The following PTBP2 variants were observed in gnomAD, a reference collection of about 807,000 sequenced individuals.
PTBP2 encodes polypyrimidine tract-binding protein 2.
PTBP2 carries 13 observed loss-of-function variants against 61.4 expected under a neutral mutation model. The ratio of observed to expected loss-of-function variants is 0.21; its 90% CI spans 0.14 to 0.34. PTBP2 has a LOEUF of 0.34. PTBP2 is among the 10% of genes least tolerant of loss of function. The pLI is 1.00. For missense variants in PTBP2, 405 were observed against 642.6 expected (o/e 0.63, Z 4.00); for synonymous variants, 215 against 218.5 (o/e 0.98, Z 0.14).
At chr1:96,794,239 A>G (rs936418035) in intron 8 of PTBP2, among the ~76,000 whole-genome samples, 2 of 152,200 alleles carry the variant, frequency 1.3e-5, no homozygotes, top group Non-Finnish European at 2.9e-5. Context: ...CCTAAATTCT[A>G]TGGTAATCAA....
At chr1:96,801,067 A>G (rs1660939374) in intron 8 of PTBP2, among the ~76,000 whole-genome samples, 1 of 152,164 alleles carries the variant, frequency 6.6e-6, no homozygotes, top group African/African-American at 2.4e-5. Flanking sequence ...CAAGATATGA[A>G]GCAGTTTTTC....
intron 3 of PTBP2, among the ~76,000 whole-genome samples, chr1:96,764,656 AG>A (rs1479481033): frequency 5.3e-5 from 8 of 152,136 alleles, no homozygotes; most frequent in African/African-American, 1.9e-4. Context: ...CATATTTTTG[AG>A]GTGATGTCAT....
At chr1:96,726,498 C>G (rs528657807) in intron 2 of PTBP2, among the ~76,000 whole-genome samples, 1 of 150,758 alleles carries the variant, frequency 6.6e-6, no homozygotes, top group East Asian at 2.0e-4. Context: ...AGTGCAGTGT[C>G]GCGATCTCTG....
At chr1:96,743,615 C>T (rs1316624657) in intron 2 of PTBP2, among the ~76,000 whole-genome samples, 4 of 152,028 alleles carry the variant, frequency 2.6e-5, no homozygotes, top group Non-Finnish European at 5.9e-5. Context: ...TTTGGTCATA[C>T]GTAAGTACCT....
At chr1:96,784,063 A>G (rs1253914616) in intron 7 of PTBP2, among the ~76,000 whole-genome samples, 1 of 152,140 alleles carries the variant, frequency 6.6e-6, no homozygotes, top group Admixed American at 6.6e-5. Flanking sequence ...AGCTTTATAT[A>G]CTTAAGCAAC....
intron 2 of PTBP2, among the ~76,000 whole-genome samples, chr1:96,738,890 A>C (rs1435405350): frequency 6.6e-6 from 1 of 152,238 alleles, no homozygotes; most frequent in Admixed American, 6.5e-5. Context: ...AAAAATGATC[A>C]GATAAGTATA....
intron 8 of PTBP2, among the ~76,000 whole-genome samples, chr1:96,802,150 G>T (rs1661064264): frequency 7.1e-6 from 1 of 141,060 alleles, no homozygotes. Context: ...GGCGGAGCTT[G>T]CAGTGAGCCG....
rs779829672 is a variant in PTBP2 at position 96,777,922 on chromosome 1, A to C, written c.684A>C (p.Pro228=). 12 of 1,577,058 alleles carry C rather than the reference A, an allele frequency of 7.6e-6. 1 individual carries two copies. The South Asian group carries it at 1.3e-4, about 18-fold the overall frequency. ...AAGCTTTGCTCCAGTATGGTGATCC[A>C]GTAAATGCTCAACAAGCAAAACTAG... ...QFQALLQYGD[P]VNAQQAKLAL... is the part of the protein sequence containing the mutation. The change falls in exon 7 of 14, where the codon CCA becomes CCC. Residue 228 remains proline, a synonymous_variant. Transcript: ENST00000674951.
At chr1:96,744,243 A>T (rs1475525503) in intron 2 of PTBP2, among the ~76,000 whole-genome samples, 1 of 152,154 alleles carries the variant, frequency 6.6e-6, no homozygotes, top group Non-Finnish European at 1.5e-5. Context: ...CCATGTATAT[A>T]TGTAAGTTTG....
chr1:96,749,487 A>G (rs1557706251), intron 2 of PTBP2: 1 of 325,258 alleles, frequency 3.1e-6, no homozygotes, highest in Admixed American at 3.7e-5. Flanking sequence ...GGTGAGTAAA[A>G]CTTTAAGCAT....
At chr1:96,799,185 T>C (rs2101147046) in intron 8 of PTBP2, among the ~76,000 whole-genome samples, 1 of 152,230 alleles carries the variant, frequency 6.6e-6, no homozygotes, top group Admixed American at 6.5e-5. Context: ...ATGAGGGCCA[T>C]TTCACATGAA....
intron 8 of PTBP2, among the ~76,000 whole-genome samples, chr1:96,794,260 G>T (rs1660142128): frequency 6.6e-6 from 1 of 152,146 alleles, no homozygotes; most frequent in Non-Finnish European, 1.5e-5. Flanking sequence ...CTCCAGCCTT[G>T]TGTAATGAAA....
At chr1:96,788,304 A>T (rs987252202) in intron 8 of PTBP2, among the ~76,000 whole-genome samples, 2 of 152,094 alleles carry the variant, frequency 1.3e-5, no homozygotes, top group Non-Finnish European at 2.9e-5. Flanking sequence ...GTTTTTGGAA[A>T]AGTATTTTTC....
At chr1:96,794,725 T>C (rs2101121466) in intron 8 of PTBP2, among the ~76,000 whole-genome samples, 1 of 152,262 alleles carries the variant, frequency 6.6e-6, no homozygotes, top group East Asian at 1.9e-4. Context: ...AACTGAAATA[T>C]ATAGTGGAGT....
At chr1:96,750,395 T>G (rs1280493671) in intron 2 of PTBP2, among the ~76,000 whole-genome samples, 2 of 151,866 alleles carry the variant, frequency 1.3e-5, no homozygotes, top group East Asian at 3.8e-4. Flanking sequence ...TTTTTCTGTT[T>G]TTTTTTTTCT....
chr1:96,820,924 C>T (rs1487922710), exon 14 of PTBP2: 2 of 152,222 alleles, frequency 1.3e-5, no homozygotes, highest in East Asian at 1.9e-4. Flanking sequence ...AACTGACTTA[C>T]TACTTTCAAA....
chr1:96,780,735 A>T (rs774641476), intron 7 of PTBP2, among the ~76,000 whole-genome samples: 1 of 151,968 alleles, frequency 6.6e-6, no homozygotes, highest in East Asian at 1.9e-4. Flanking sequence ...CAGAGTTCAC[A>T]TCACATTTTC....
intron 3 of PTBP2, among the ~76,000 whole-genome samples, chr1:96,758,713 ATACT>A (rs1655445037): frequency 6.6e-6 from 1 of 152,102 alleles, no homozygotes; most frequent in South Asian, 2.1e-4. Context: ...AACAAATTTC[ATACT>A]TAATGGAGAA....
chr1:96,776,389 TTTAA>T (rs763809311), intron 5 of PTBP2, among the ~76,000 whole-genome samples: 31 of 151,958 alleles, frequency 2.0e-4, no homozygotes, highest in Non-Finnish European at 4.0e-4. Flanking sequence ...AATGTTGAGT[TTTAA>T]TTAGTAAGTC....
Sources: gnomAD v4.1 joint callset for allele counts (sites outside exome capture counted in the v4.1 genomes callset) on GRCh38, gnomAD v4.1.1 for gene constraint, MANE v1.5 for transcripts, NCBI Gene and HGNC (gene_info 2026-07-23, HGNC 2026-07-21) for gene names.